Variants in RGS7 observed in about 807,000 individuals in gnomAD.
The protein encoded by RGS7 is regulator of G-protein signaling 7.
In RGS7, 27 loss-of-function variants were observed where a neutral mutation model predicts 81.1. The observed-to-expected ratio is 0.33, with a 90% CI of 0.25 to 0.46. The LOEUF (loss-of-function observed/expected upper bound fraction) is 0.46. Ranked by LOEUF, RGS7 falls within the 20% of genes least tolerant of loss-of-function variation. The probability of loss-of-function intolerance (pLI) is 1.00; values close to 1 mark genes in which losing one functional copy is unlikely to be tolerated. For missense variants in RGS7, 396 were observed against 607.4 expected (o/e 0.65, Z 3.66); for synonymous variants, 208 against 207.7 (o/e 1.00, Z -0.01).
chr1:240,828,161 CA>C (rs1451862507), intron 9 of RGS7, among the ~76,000 whole-genome samples: 13 of 152,156 alleles, frequency 8.5e-5, no homozygotes, highest in Admixed American at 2.6e-4. Context: ...CCCTTTAAAA[CA>C]GAGGGGTTGA....
Position 241,156,082 on chromosome 1 carries a change from A to G in RGS7, c.79-57320T>C, listed in dbSNP as rs769013613. On this transcript the variant is annotated intron_variant, in intron 2 of 18. Transcript: ENST00000440928. Reference sequence around the variant, plus strand: ...AGTTCCTAAATTTACACACGCACGCACACACACACACACACACACACCTGA... The same window carrying G: ...AGTTCCTAAATTTACACACGCACGCGCACACACACACACACACACACCTGA... Among the ~76,000 whole-genome samples the G allele has an allele frequency of 1.6e-3, 165 of 106,028 alleles. 1 individual carries two copies. The highest frequency in any genetic ancestry group is 2.2e-3 in the Non-Finnish European group (124 of 57,294). 69.6% of individuals were successfully genotyped at this position (106,028 alleles called of 152,430 possible).
chr1:240,968,702 T>C (rs1682732200), intron 4 of RGS7, among the ~76,000 whole-genome samples: 2 of 152,208 alleles, frequency 1.3e-5, no homozygotes, highest in South Asian at 2.1e-4. Flanking sequence ...AGCAGGAACC[T>C]GTCTTGTGTG....
intron 4 of RGS7, among the ~76,000 whole-genome samples, chr1:240,954,274 A>T (rs1405125748): frequency 1.3e-5 from 2 of 152,098 alleles, no homozygotes; most frequent in African/African-American, 2.4e-5. Flanking sequence ...TTAACTTAAT[A>T]CTAAAGTCAG....
At chr1:241,028,339 C>T (rs1337220333) in intron 3 of RGS7, among the ~76,000 whole-genome samples, 1 of 152,136 alleles carries the variant, frequency 6.6e-6, no homozygotes, top group Non-Finnish European at 1.5e-5. Flanking sequence ...AAGTTGTCTG[C>T]TAGGAAAGAG....
intron 2 of RGS7, among the ~76,000 whole-genome samples, chr1:241,353,414 T>G (rs2083369295): frequency 1.3e-5 from 2 of 152,354 alleles, no homozygotes; most frequent in African/African-American, 4.8e-5. Flanking sequence ...CCATTTGACC[T>G]GATAACTAGC....
intron 17 of RGS7, among the ~76,000 whole-genome samples, chr1:240,801,055 C>T (rs1038682328): frequency 6.6e-6 from 1 of 152,000 alleles, no homozygotes; most frequent in Non-Finnish European, 1.5e-5. Flanking sequence ...AAGTAAAACG[C>T]ATAGAACCCT....
At chr1:241,065,224 C>A (rs1021092525) in intron 3 of RGS7, among the ~76,000 whole-genome samples, 1 of 140,262 alleles carries the variant, frequency 7.1e-6, no homozygotes. Context: ...TATATATTAT[C>A]TTTTAATATA....
At chr1:240,881,810 AAGTAAG>A (rs1372780776) in intron 6 of RGS7, among the ~76,000 whole-genome samples, 1 of 152,192 alleles carries the variant, frequency 6.6e-6, no homozygotes, top group Non-Finnish European at 1.5e-5. Context: ...TGTTGTCATA[AAGTAAG>A]AGTAAGAGTT....
chr1:241,258,894 A>T (rs1432427959), intron 2 of RGS7, among the ~76,000 whole-genome samples: 1 of 152,210 alleles, frequency 6.6e-6, no homozygotes, highest in Non-Finnish European at 1.5e-5. Flanking sequence ...GACAACAGAC[A>T]ATCAGCCTAA....
At chr1:240,902,038 A>C (rs1012494934) in intron 6 of RGS7, among the ~76,000 whole-genome samples, 1 of 152,134 alleles carries the variant, frequency 6.6e-6, no homozygotes, top group African/African-American at 2.4e-5. Flanking sequence ...TTCTCTCCAG[A>C]TTTTATTCAT....
At chr1:241,122,498 A>T (rs1337605039) in intron 2 of RGS7, among the ~76,000 whole-genome samples, 1 of 151,974 alleles carries the variant, frequency 6.6e-6, no homozygotes, top group African/African-American at 2.4e-5. Context: ...CCCCATCTCT[A>T]CTAAATATAA....
intron 2 of RGS7, among the ~76,000 whole-genome samples, chr1:241,156,517 A>T (rs1360593055): frequency 1.3e-5 from 2 of 151,148 alleles, no homozygotes; most frequent in Non-Finnish European, 2.9e-5. Context: ...AAAAAAAGAA[A>T]AAAAAGAAAG....
At chr1:241,265,161 C>A (rs1206374313) in intron 2 of RGS7, among the ~76,000 whole-genome samples, 8 of 152,210 alleles carry the variant, frequency 5.3e-5, no homozygotes, top group Admixed American at 3.9e-4. Flanking sequence ...CCAAGTGCAG[C>A]CTTTGTGTGG....
At chr1:240,860,709 A>G (rs1315304390) in intron 9 of RGS7, among the ~76,000 whole-genome samples, 2 of 152,172 alleles carry the variant, frequency 1.3e-5, no homozygotes, top group Admixed American at 1.3e-4. Context: ...TTCCAAATGA[A>G]TAACAAATCC....
In RGS7 at chr1:240,848,062, C is replaced by G. The variant is rs539637764; in HGVS notation, c.609+20525G>C. ...TAGGGGTTCTTATTCAGGGGTTCTG[C>G]AAGATCAAAATTATTTCCATAAAGA... On this transcript the variant is annotated intron_variant, in intron 9 of 18. Transcript: ENST00000440928. Among the ~76,000 whole-genome samples the G allele has an allele frequency of 7.6e-4, 116 of 152,248 alleles. 1 individual carries two copies. Among genetic ancestry groups the G allele is most frequent in the East Asian group, 2.3e-3 (12 of 5,178 alleles).
Position 241,320,259 on chromosome 1 carries a change from C to T in RGS7, c.78+35440G>A, listed in dbSNP as rs562917033. ...ATTAGGCCCCTTGCTCTATGTTCCT[C>T]ATGTAACTATGAGTTTTCCTTCAAA... On this transcript the variant is annotated intron_variant, in intron 2 of 18. Coordinates refer to ENST00000440928, the MANE Select transcript of RGS7 (RefSeq NM_001364886.1). 9.2e-5 allele frequency among the ~76,000 whole-genome samples: 14 copies of T among 152,312 alleles called. 1 individual carries two copies. The South Asian group carries it at 2.7e-3, about 29-fold the overall frequency.
intron 4 of RGS7, among the ~76,000 whole-genome samples, chr1:240,976,011 G>A (rs939672072): frequency 1.3e-5 from 2 of 152,202 alleles, no homozygotes; most frequent in African/African-American, 2.4e-5. Flanking sequence ...AGAAACTCAC[G>A]TTGTGCTTGT....
At chr1:240,984,421 T>C (rs766318632) in intron 3 of RGS7, among the ~76,000 whole-genome samples, 44 of 152,266 alleles carry the variant, frequency 2.9e-4, no homozygotes, top group Non-Finnish European at 5.6e-4. Context: ...ACTTTACGAC[T>C]AATTAGGTAT....
chr1:241,286,955 A>G (rs912253895), intron 2 of RGS7, among the ~76,000 whole-genome samples: 1 of 152,244 alleles, frequency 6.6e-6, no homozygotes, highest in African/African-American at 2.4e-5. Context: ...TGCAGAATAT[A>G]GATTTCTGTG....
Sources: gnomAD v4.1 joint callset for allele counts (sites outside exome capture counted in the v4.1 genomes callset) on GRCh38, gnomAD v4.1.1 for gene constraint, MANE v1.5 for transcripts, NCBI Gene and HGNC (gene_info 2026-07-23, HGNC 2026-07-21) for gene names.